Variants in AMBRA1 observed in about 807,000 individuals in gnomAD.
The protein encoded by AMBRA1 is autophagy and beclin 1 regulator 1.
AMBRA1 carries 47 observed loss-of-function variants against 125.4 expected under a neutral mutation model. The observed-to-expected ratio is 0.37, with a 90% CI of 0.30 to 0.48. AMBRA1 has a LOEUF of 0.48. Among genes scored for constraint, AMBRA1 ranks in the 20% least tolerant of loss-of-function variants. AMBRA1 has a pLI of 0.99. For missense variants in AMBRA1, 1,331 were observed against 1,693.4 expected, an observed-to-expected ratio of 0.79 and a Z score of 3.76; for synonymous variants, 626 against 655.5, an observed-to-expected ratio of 0.95 and a Z score of 0.69.
intron 12 of AMBRA1, among the ~76,000 whole-genome samples, chr11:46,442,154 T>C (rs1948043964): frequency 6.6e-6 from 1 of 151,438 alleles, no homozygotes; most frequent in South Asian, 2.1e-4. Context: ...GTTTTTGTTT[T>C]TTTTTGGAGA....
chr11:46,431,375 G>A (rs1283796855), intron 14 of AMBRA1, among the ~76,000 whole-genome samples: 1 of 152,222 alleles, frequency 6.6e-6, no homozygotes, highest in African/African-American at 2.4e-5. Flanking sequence ...TGGCAGGACA[G>A]CCAGGGGCTG....
intron 9 of AMBRA1, among the ~76,000 whole-genome samples, chr11:46,507,050 G>A (rs1203439409): frequency 3.4e-5 from 5 of 148,754 alleles, no homozygotes; most frequent in Non-Finnish European, 1.5e-5. Context: ...GGTGGCAGGC[G>A]CCTGTAGTCC....
intron 7 of AMBRA1, among the ~76,000 whole-genome samples, chr11:46,540,128 G>A (rs1008777198): frequency 2.0e-5 from 3 of 152,082 alleles, no homozygotes; most frequent in Non-Finnish European, 4.4e-5. Context: ...CACCGTGCCC[G>A]GCAGTAACTG....
intron 11 of AMBRA1, among the ~76,000 whole-genome samples, chr11:46,476,844 G>A (rs543411158): frequency 6.6e-6 from 1 of 152,288 alleles, no homozygotes; most frequent in Admixed American, 6.5e-5. Flanking sequence ...TGGGTGTGGT[G>A]CCTCACGCCT....
intron 1 of AMBRA1, among the ~76,000 whole-genome samples, chr11:46,560,204 A>G (rs1451444850): frequency 6.6e-6 from 1 of 152,220 alleles, no homozygotes; most frequent in Non-Finnish European, 1.5e-5. Context: ...AACTGTCAAC[A>G]GACAGAACCT....
chr11:46,524,146 G>C (rs1014158725), intron 7 of AMBRA1, among the ~76,000 whole-genome samples: 2 of 152,216 alleles, frequency 1.3e-5, no homozygotes. Flanking sequence ...GGGATTACAG[G>C]TGTGAGCCAC....
At chr11:46,591,523 TTCCAC>T (rs2135350351) in intron 1 of AMBRA1, 1 of 152,238 alleles carries the variant, frequency 6.6e-6, no homozygotes, top group Non-Finnish European at 1.5e-5. Context: ...CTTGTACAGT[TTCCAC>T]TCAAGGACTA....
chr11:46,551,953 A>G (rs1191142190), intron 1 of AMBRA1, among the ~76,000 whole-genome samples: 1 of 151,836 alleles, frequency 6.6e-6, no homozygotes, highest in Non-Finnish European at 1.5e-5. Flanking sequence ...GCTTGAACCC[A>G]GGAGGCGGAG....
chr11:46,408,507 T>A lies in AMBRA1; in HGVS notation c.3403+6A>T, dbSNP rs757773390. On this transcript the variant is annotated splice_donor_region_variant and intron_variant, in intron 17 of 17. Coordinates refer to ENST00000683756, the MANE Select transcript of AMBRA1 (RefSeq NM_001387011.1). ...CCCACCCCCTCCAGCGCCACATGGC[T>A]CCTACCTTCACCAGGACCTGAGGCG... 1.3e-6 allele frequency: 2 copies of A among 1,539,970 alleles called. No individual in the cohort carries two copies. Among genetic ancestry groups the A allele is most frequent in the East Asian group, 4.7e-5 (2 of 42,760 alleles).
intron 9 of AMBRA1, among the ~76,000 whole-genome samples, chr11:46,506,641 T>C (rs1013396591): frequency 2.6e-5 from 4 of 152,208 alleles, no homozygotes; most frequent in Non-Finnish European, 4.4e-5. Context: ...ACTGACAGGC[T>C]GTCCTCTTTC....
At chr11:46,467,391 T>C (rs1304903226) in intron 11 of AMBRA1, among the ~76,000 whole-genome samples, 1 of 152,196 alleles carries the variant, frequency 6.6e-6, no homozygotes, top group Non-Finnish European at 1.5e-5. Context: ...ACAGGAATAG[T>C]ATAATAAATT....
intron 9 of AMBRA1, 92 bp from the exon 10 acceptor site, chr11:46,494,296 T>G: frequency 9.0e-7 from 1 of 1,111,606 alleles, no homozygotes; most frequent in Non-Finnish European, 1.3e-6. Flanking sequence ...ATGACATTCT[T>G]ACACTTAGGA....
intron 11 of AMBRA1, among the ~76,000 whole-genome samples, chr11:46,451,065 GA>G (rs1166114567): frequency 6.6e-6 from 1 of 152,144 alleles, no homozygotes; most frequent in Non-Finnish European, 1.5e-5. Context: ...GAGACAGTGG[GA>G]ACAGCAGCTG....
At chr11:46,407,476 C>G (rs962577229) in intron 17 of AMBRA1, among the ~76,000 whole-genome samples, 1 of 152,188 alleles carries the variant, frequency 6.6e-6, no homozygotes, top group African/African-American at 2.4e-5. Flanking sequence ...GCAGAAGGAG[C>G]CTTCCACCAC....
In AMBRA1 at chr11:46,552,368, C is replaced by CAAA. The variant is rs56090695; in HGVS notation, c.-120-3871_-120-3869dup. 2.5e-4 allele frequency among the ~76,000 whole-genome samples: 3 copies of CAAA among 11,994 alleles called. 1 individual carries two copies. The highest frequency in any genetic ancestry group is 3.4e-4 in the Non-Finnish European group (2 of 5,876). The allele number at this position is 11,994 out of a possible 152,430, so 7.9% of individuals were successfully genotyped here. On this transcript the variant is annotated intron_variant, in intron 1 of 17. Coordinates refer to ENST00000683756, the MANE Select transcript of AMBRA1 (RefSeq NM_001387011.1). ...TGAGTGACAGAGTGAGACTCCATCT[C>CAAA]AAAAAAAAAAAAAAAAAAAAAAAAA...
intron 15 of AMBRA1, among the ~76,000 whole-genome samples, chr11:46,413,954 G>A (rs1414868616): frequency 6.6e-6 from 1 of 152,140 alleles, no homozygotes; most frequent in Non-Finnish European, 1.5e-5. Flanking sequence ...GGAGGAGGAA[G>A]GCTAGGAGGT....
At position 46,543,208 on chromosome 11, in the gene AMBRA1, G is replaced by T. The variant is rs185424742; in HGVS notation, c.809C>A (p.Pro270His). The T allele has an allele frequency of 1.1e-5, 17 of 1,603,142 alleles. No individual in the cohort carries two copies. In the Admixed American group the frequency reaches 2.9e-4, roughly 27 times the overall value. ...GGAGGGCTGAGGGGGAGGCGGTGGGGGTGAGGGGGTAGCAGAATCTTGCAC... is the reference window on the plus strand; with the variant it reads ...GGAGGGCTGAGGGGGAGGCGGTGGGTGTGAGGGGGTAGCAGAATCTTGCAC... Reference protein sequence around the residue: ...STVQDSATPSPPPPPPQPSTE... With the variant: ...STVQDSATPSHPPPPPQPSTE... The change falls in exon 7 of 18, where the codon CCC (proline) becomes CAC (histidine). Residue 270 changes from proline to histidine, a missense_variant. Coordinates refer to ENST00000683756, the MANE Select transcript of AMBRA1 (RefSeq NM_001387011.1).
chr11:46,483,433 G>C (rs1950150925), intron 11 of AMBRA1, among the ~76,000 whole-genome samples: 1 of 152,176 alleles, frequency 6.6e-6, no homozygotes, highest in East Asian at 1.9e-4. Context: ...TGATCAGCAA[G>C]TTTTAAAGAA....
At chr11:46,573,667 T>C (rs1366714610) in intron 1 of AMBRA1, among the ~76,000 whole-genome samples, 1 of 150,966 alleles carries the variant, frequency 6.6e-6, no homozygotes, top group Admixed American at 6.6e-5. Flanking sequence ...CTTTTTCTTT[T>C]TTTTTTTTTT....
Sources: allele counts gnomAD v4.1 joint callset (sites outside exome capture counted in the v4.1 genomes callset), GRCh38; gene constraint gnomAD v4.1.1; transcripts MANE v1.5; gene names NCBI Gene and HGNC (gene_info 2026-07-23, HGNC 2026-07-21).